Variants in MARCHF1 observed in about 807,000 individuals in gnomAD.
MARCHF1 encodes E3 ubiquitin-protein ligase MARCHF1.
A neutral mutation model predicts 54.2 loss-of-function variants in MARCHF1; 40 were observed. The observed-to-expected ratio is 0.74, with a 90% CI of 0.57 to 0.96. The LOEUF is 0.96. Among genes scored for constraint, MARCHF1 ranks in the 40% least tolerant of loss-of-function variants. The pLI is 0.00. For missense variants in MARCHF1, 586 were observed against 656.5 expected (o/e 0.89, Z 1.17); for synonymous variants, 236 against 236.3 (o/e 1.00, Z 0.01).
At chr4:163,768,228 A>C (rs1747047296) in intron 4 of MARCHF1, among the ~76,000 whole-genome samples, 1 of 152,220 alleles carries the variant, frequency 6.6e-6, no homozygotes, top group Admixed American at 6.5e-5. Flanking sequence ...CTTTCAATTT[A>C]ACTTCTCCTT....
At chr4:163,798,296 G>C (rs1277202684) in intron 4 of MARCHF1, among the ~76,000 whole-genome samples, 1 of 152,088 alleles carries the variant, frequency 6.6e-6, no homozygotes, top group Non-Finnish European at 1.5e-5. Context: ...AAGCCAGGAA[G>C]GGAAACTTTA....
At chr4:164,035,133 T>G (rs1333077927) in intron 2 of MARCHF1, among the ~76,000 whole-genome samples, 1 of 152,152 alleles carries the variant, frequency 6.6e-6, no homozygotes, top group African/African-American at 2.4e-5. Flanking sequence ...AAAATTTACT[T>G]ATATAATTTT....
intron 4 of MARCHF1, among the ~76,000 whole-genome samples, chr4:163,850,097 C>T (rs1749601738): frequency 6.6e-6 from 1 of 152,178 alleles, no homozygotes; most frequent in African/African-American, 2.4e-5. Flanking sequence ...CTGTCAGTGT[C>T]ATTCCAGGAA....
intron 1 of MARCHF1, chr4:164,189,579 T>C: frequency 1.1e-6 from 1 of 934,760 alleles, no homozygotes; most frequent in East Asian, 2.4e-5. Context: ...CTGTCCAGGC[T>C]GGAGTGCTCT....
chr4:164,325,485 G>A (rs901097665), intron 1 of MARCHF1, among the ~76,000 whole-genome samples: 4 of 151,794 alleles, frequency 2.6e-5, no homozygotes, highest in Admixed American at 6.6e-5. Context: ...CCTTTCTTAC[G>A]TCATATACAA....
chr4:164,288,369 G>C (rs754217295), intron 1 of MARCHF1, among the ~76,000 whole-genome samples: 10 of 152,010 alleles, frequency 6.6e-5, no homozygotes, highest in Non-Finnish European at 1.2e-4. Context: ...CAAGAATGAA[G>C]TGAAAAAAGA....
rs151007385 is a variant in MARCHF1 at position 164,024,139 on chromosome 4, A to G, written c.-247-35430T>C. Among the ~76,000 whole-genome samples the G allele has an allele frequency of 4.6e-3, 702 of 152,278 alleles. 5 individuals carry two copies. The highest frequency in any genetic ancestry group is 0.016 in the African/African-American group (667 of 41,560). On this transcript the variant is annotated intron_variant, in intron 2 of 9. Coordinates refer to ENST00000514618, the MANE Select transcript of MARCHF1 (RefSeq NM_001394959.1). Reference sequence around the variant, plus strand: ...GGCATTCTTAAGAGGGAAGGAGAGAAAATAAGCAACTTTTTAAATATTTTG... The same window carrying G: ...GGCATTCTTAAGAGGGAAGGAGAGAGAATAAGCAACTTTTTAAATATTTTG...
chr4:164,154,746 T>G (rs1487839907), intron 1 of MARCHF1, among the ~76,000 whole-genome samples: 1 of 152,198 alleles, frequency 6.6e-6, no homozygotes, highest in African/African-American at 2.4e-5. Flanking sequence ...CATGGATGGC[T>G]TAAGGGTTAA....
At chr4:163,947,822 C>A (rs1752053805) in intron 3 of MARCHF1, among the ~76,000 whole-genome samples, 1 of 152,152 alleles carries the variant, frequency 6.6e-6, no homozygotes, top group African/African-American at 2.4e-5. Flanking sequence ...ATCTGAGCTA[C>A]CTTTAGTTTA....
At chr4:164,059,389 T>C (rs1402447506) in intron 2 of MARCHF1, among the ~76,000 whole-genome samples, 1 of 152,172 alleles carries the variant, frequency 6.6e-6, no homozygotes. Context: ...AGACAAGGCT[T>C]TTTATTGACG....
At chr4:164,323,811 A>G (rs954329149) in intron 1 of MARCHF1, among the ~76,000 whole-genome samples, 1 of 151,752 alleles carries the variant, frequency 6.6e-6, no homozygotes, top group Non-Finnish European at 1.5e-5. Flanking sequence ...TTAGTAGTAT[A>G]TCAATTAGCT....
At chr4:164,312,543 C>T (rs989397788) in intron 1 of MARCHF1, among the ~76,000 whole-genome samples, 1 of 151,808 alleles carries the variant, frequency 6.6e-6, no homozygotes, top group Admixed American at 6.6e-5. Flanking sequence ...AGGATGGTCT[C>T]GATCTCCTGA....
At chr4:164,196,945 T>A in intron 1 of MARCHF1, 1 of 1,591,990 alleles carries the variant, frequency 6.3e-7, no homozygotes, top group East Asian at 2.2e-5. Context: ...CAAATCACAA[T>A]AGGAATTTTT....
intron 3 of MARCHF1, among the ~76,000 whole-genome samples, chr4:163,877,771 C>A (rs1487924892): frequency 6.6e-6 from 1 of 152,164 alleles, no homozygotes; most frequent in Non-Finnish European, 1.5e-5. Flanking sequence ...TCTCCTCACC[C>A]ATACTCTGGT....
intron 4 of MARCHF1, among the ~76,000 whole-genome samples, chr4:163,723,717 TC>T (rs1745556297): frequency 6.6e-6 from 1 of 152,196 alleles, no homozygotes; most frequent in Non-Finnish European, 1.5e-5. Context: ...GAGGCTTTGT[TC>T]ATGTCTTTTT....
intron 1 of MARCHF1, among the ~76,000 whole-genome samples, chr4:164,201,793 T>G (rs913970411): frequency 1.3e-5 from 2 of 152,162 alleles, no homozygotes; most frequent in African/African-American, 4.8e-5. Context: ...AGTATTTTGT[T>G]TATAGAAAGG....
At chr4:163,654,666 TC>T (rs955018142) in intron 5 of MARCHF1, among the ~76,000 whole-genome samples, 2 of 151,720 alleles carry the variant, frequency 1.3e-5, no homozygotes, top group African/African-American at 4.8e-5. Context: ...GTATATCAAC[TC>T]CAACTTTCTT....
intron 4 of MARCHF1, among the ~76,000 whole-genome samples, chr4:163,821,544 G>C (rs1046222482): frequency 4.6e-5 from 7 of 151,912 alleles, no homozygotes; most frequent in African/African-American, 1.7e-4. Context: ...AATCCTATGA[G>C]ATAAAAATTA....
intron 3 of MARCHF1, among the ~76,000 whole-genome samples, chr4:163,925,720 G>C (rs1424219161): frequency 1.3e-5 from 2 of 151,768 alleles, no homozygotes; most frequent in Non-Finnish European, 3.0e-5. Flanking sequence ...AAGTAGGACT[G>C]ACCTTTACTG....
Sources: gnomAD v4.1 joint callset for allele counts (sites outside exome capture counted in the v4.1 genomes callset) on GRCh38, gnomAD v4.1.1 for gene constraint, MANE v1.5 for transcripts, NCBI Gene and HGNC (gene_info 2026-07-23, HGNC 2026-07-21) for gene names.